Variants in SEPTIN9 observed in about 807,000 individuals in gnomAD.
SEPTIN9 encodes septin 9.
SEPTIN9 carries 13 observed loss-of-function variants against 56.6 expected under a neutral mutation model. That is an observed-to-expected ratio of 0.23 (90% CI 0.15 to 0.37). The LOEUF (loss-of-function observed/expected upper bound fraction) is 0.37. SEPTIN9 is among the 10% of genes least tolerant of loss of function. The pLI is 1.00. For missense variants in SEPTIN9, 650 were observed against 823.1 expected (o/e 0.79, Z 2.57); for synonymous variants, 332 against 334.1 (o/e 0.99, Z 0.07).
Position 77,419,365 on chromosome 17 carries a change from C to CAG in SEPTIN9, c.721+16662_721+16663insAG, listed in dbSNP as rs1341127337. ...GTAACAGGCCCGTGGTCAGCAGCAGCCGCCGCAGGGACCCCGGCGCTGTAC... is the reference window on the plus strand; with the variant it reads ...GTAACAGGCCCGTGGTCAGCAGCAGCAGCGCCGCAGGGACCCCGGCGCTGTAC... On this transcript the variant is annotated intron_variant, in intron 3 of 11. Coordinates refer to ENST00000427177, the MANE Select transcript of SEPTIN9 (RefSeq NM_001113491.2). 6.4e-3 allele frequency among the ~76,000 whole-genome samples: 980 copies of CAG among 152,242 alleles called. 14 individuals are homozygous for CAG. The highest frequency in any genetic ancestry group is 0.022 in the African/African-American group (930 of 41,536).
intron 2 of SEPTIN9, among the ~76,000 whole-genome samples, chr17:77,309,558 C>A (rs1325978973): frequency 2.0e-5 from 3 of 152,214 alleles, no homozygotes; most frequent in Non-Finnish European, 4.4e-5. Context: ...ATCCTCCCAG[C>A]CCAGCTTCTC....
chr17:77,353,135 C>T (rs1421967653), intron 2 of SEPTIN9, among the ~76,000 whole-genome samples: 4 of 152,164 alleles, frequency 2.6e-5, no homozygotes, highest in Non-Finnish European at 4.4e-5. Flanking sequence ...ATGGGTCTCA[C>T]CCACAGAACG....
rs759751567 is a variant in SEPTIN9 at position 77,327,702 on chromosome 17, C to T, written c.76+20505C>T. 7.9e-5 allele frequency among the ~76,000 whole-genome samples: 12 copies of T among 152,108 alleles called. No individual in the cohort carries two copies. Among genetic ancestry groups the T allele is most frequent in the African/African-American group, 2.2e-4 (9 of 41,392 alleles). On this transcript the variant is annotated intron_variant, in intron 2 of 11. Transcript: ENST00000427177. This position sits in a 1 kb window ranked among gnomAD's most constrained non-coding sequence, Gnocchi z 5.0. ...CCCGGAGACTCCCTCTGCCTGTGGA[C>T]GCCCTCATACCTCCATCCGTGGAGC...
At chr17:77,309,962 G>A (rs1260678704) in intron 2 of SEPTIN9, among the ~76,000 whole-genome samples, 3 of 151,752 alleles carry the variant, frequency 2.0e-5, no homozygotes, top group African/African-American at 7.3e-5. Flanking sequence ...GCAGTGGTGT[G>A]TCTGAGAAGC....
chr17:77,491,044 A>G (rs1029410344), intron 8 of SEPTIN9, among the ~76,000 whole-genome samples, 185 bp downstream of exon 8: 2 of 152,250 alleles, frequency 1.3e-5, no homozygotes, highest in East Asian at 1.9e-4. Flanking sequence ...CGTCCCTGAG[A>G]TGGCCTCTCC....
At chr17:77,440,401 T>G (rs775149508) in intron 3 of SEPTIN9, among the ~76,000 whole-genome samples, 23 of 152,192 alleles carry the variant, frequency 1.5e-4, no homozygotes, top group Admixed American at 1.2e-3. Context: ...GTGATCCGCC[T>G]GCCTTCGCCT....
rs767495674 is a variant in SEPTIN9, at chr17:77,487,482, C to T, written c.972C>T (p.Ser324=). 6.8e-6 allele frequency: 11 copies of T among 1,612,650 alleles called. No individual in the cohort carries two copies. Among genetic ancestry groups the T allele is most frequent in the Non-Finnish European group, 9.3e-6 (11 of 1,179,536 alleles). Residue 324 remains serine (S), a synonymous_variant, in exon 5 of 12, where the codon AGC becomes AGT. Coordinates refer to ENST00000427177, the MANE Select transcript of SEPTIN9 (RefSeq NM_001113491.2). This position sits in a 1 kb window ranked among gnomAD's most constrained non-coding sequence, Gnocchi z 4.3. ...LINTLFKSKI[S]RKSVQPTSEE... is the part of the protein sequence containing the mutation. Reference sequence around the variant, plus strand: ...ACACCCTCTTCAAATCCAAAATCAGCCGGAAGTCGGTGCAGCCCACCTCAG... The same window carrying T: ...ACACCCTCTTCAAATCCAAAATCAGTCGGAAGTCGGTGCAGCCCACCTCAG...
At chr17:77,344,450 A>G (rs1451311881) in intron 2 of SEPTIN9, among the ~76,000 whole-genome samples, 1 of 152,196 alleles carries the variant, frequency 6.6e-6, no homozygotes, top group Non-Finnish European at 1.5e-5. Context: ...AGATATAACA[A>G]TTGCTCAAAA....
intron 2 of SEPTIN9, among the ~76,000 whole-genome samples, chr17:77,328,018 GT>G (rs1386696333): frequency 2.0e-5 from 3 of 148,010 alleles, no homozygotes; most frequent in Non-Finnish European, 4.5e-5. Context: ...TGCCTAGTGT[GT>G]CCCTGTATCC....
At chr17:77,414,831 G>A (rs763816317) in intron 3 of SEPTIN9, among the ~76,000 whole-genome samples, 1 of 152,100 alleles carries the variant, frequency 6.6e-6, no homozygotes, top group Non-Finnish European at 1.5e-5. Context: ...TCCTGCCTTG[G>A]CCTCCCAAAG....
At chr17:77,328,223 G>A (rs576255338) in intron 2 of SEPTIN9, among the ~76,000 whole-genome samples, 71 of 152,304 alleles carry the variant, frequency 4.7e-4, no homozygotes, top group Non-Finnish European at 9.0e-4. Context: ...CCCAGGCACT[G>A]CCTCTCCCCA....
At chr17:77,382,421 G>C (rs1212339129) in intron 2 of SEPTIN9, among the ~76,000 whole-genome samples, 1 of 152,218 alleles carries the variant, frequency 6.6e-6, no homozygotes, top group Admixed American at 6.5e-5. Flanking sequence ...TGGGAGGTGG[G>C]GGAGAGGGCT....
At chr17:77,426,314 T>C (rs2036908529) in intron 3 of SEPTIN9, among the ~76,000 whole-genome samples, 1 of 151,992 alleles carries the variant, frequency 6.6e-6, no homozygotes, top group South Asian at 2.1e-4. Flanking sequence ...GAGTGCTGCC[T>C]GTGATGATGG....
chr17:77,482,242 G>C lies in SEPTIN9; in HGVS notation c.820G>C (p.Val274Leu). 1 of 1,613,094 alleles carries C rather than the reference G, an allele frequency of 6.2e-7. No individual in the cohort carries two copies. Among genetic ancestry groups the C allele is most frequent in the East Asian group, 2.2e-5 (1 of 44,874 alleles). Residue 274 changes from valine (V) to leucine (L), a missense_variant, in exon 4 of 12, where the codon GTG (valine) becomes CTG (leucine). Physicochemically the swap from Val to Leu is conservative, Grantham distance 32. Around this residue, in one of 2 missense-constraint regions of SEPTIN9, gnomAD observed 333 missense variants for 494.0 expected, o/e 0.67. Coordinates refer to ENST00000427177, the MANE Select transcript of SEPTIN9 (RefSeq NM_001113491.2). ...TGCATCACGGAACGAGAAGGCCCCGGTGGACTTCGGCTACGTGGGGATTGA... is the reference window on the plus strand; with the variant it reads ...TGCATCACGGAACGAGAAGGCCCCGCTGGACTTCGGCTACGTGGGGATTGA... ...APASRNEKAPVDFGYVGIDSI... is the reference protein window; with the variant it reads ...APASRNEKAPLDFGYVGIDSI...
chr17:77,336,825 A>G (rs868520206), intron 2 of SEPTIN9, among the ~76,000 whole-genome samples: 10 of 152,154 alleles, frequency 6.6e-5, no homozygotes, highest in Middle Eastern at 3.2e-3. Flanking sequence ...GATTTGTCAT[A>G]TATGACCTTT....
chr17:77,451,545 T>C lies in SEPTIN9; in HGVS notation c.722-30599T>C. The stretch of plus-strand genomic sequence containing the variant: ...GCTGCTGGGGTGAGTCCTGCTCCTT[T>C]GTTCTTCCCAGCCTTGCACCACTGG... On this transcript the variant is annotated intron_variant, in intron 3 of 11. Coordinates refer to ENST00000427177, the MANE Select transcript of SEPTIN9 (RefSeq NM_001113491.2). The surrounding 1 kb of genome is among the most constrained non-coding windows in gnomAD (Gnocchi z 4.2). 1.0e-6 allele frequency: 1 copy of C among 985,540 alleles called. No individual in the cohort carries two copies. The highest frequency in any genetic ancestry group is 1.2e-6 in the Non-Finnish European group (1 of 830,014). 61.0% of individuals were successfully genotyped at this position (985,540 alleles called of 1,614,324 possible).
chr17:77,430,846 C>T (rs1458321924), intron 3 of SEPTIN9, among the ~76,000 whole-genome samples: 1 of 152,024 alleles, frequency 6.6e-6, no homozygotes, highest in Non-Finnish European at 1.5e-5. Flanking sequence ...CAAAAATTAG[C>T]CAGGTATGGT....
chr17:77,290,127 A>G (rs1055946261), intron 1 of SEPTIN9, among the ~76,000 whole-genome samples: 1 of 152,040 alleles, frequency 6.6e-6, no homozygotes, highest in Admixed American at 6.5e-5. Context: ...CTCCTCCTTG[A>G]TGGTGTGGGT....
At chr17:77,467,733 T>C (rs2038809291) in intron 3 of SEPTIN9, among the ~76,000 whole-genome samples, 1 of 152,228 alleles carries the variant, frequency 6.6e-6, no homozygotes, top group African/African-American at 2.4e-5. Flanking sequence ...GAAAGGACTC[T>C]GGCCAGCGCG....
Sources: allele counts gnomAD v4.1 joint callset (sites outside exome capture counted in the v4.1 genomes callset), GRCh38; gene constraint gnomAD v4.1.1; regional missense constraint gnomAD v4.1.1; non-coding constraint Gnocchi (gnomAD v3.1); transcripts MANE v1.5; gene names NCBI Gene and HGNC (gene_info 2026-07-23, HGNC 2026-07-21).